HIVEP1: variants seen among roughly 807,000 people sequenced by gnomAD.
The protein encoded by HIVEP1 is zinc finger protein 40.
HIVEP1 carries 36 observed loss-of-function variants against 180.0 expected under a neutral mutation model. That is an observed-to-expected ratio of 0.20 (90% CI 0.15 to 0.26). The LOEUF is 0.26. HIVEP1 is among the 10% of genes least tolerant of loss of function. HIVEP1 has a pLI of 1.00. For synonymous variants in HIVEP1, 1,239 were observed against 1,239.0 expected, an observed-to-expected ratio of 1.00 and a Z score of 0.00; for missense variants, 3,143 against 3,268.7, an observed-to-expected ratio of 0.96 and a Z score of 0.94.
chr6:12,108,039 G>C (rs1774567918), intron 3 of HIVEP1, among the ~76,000 whole-genome samples: 1 of 151,994 alleles, frequency 6.6e-6, no homozygotes, highest in African/African-American at 2.4e-5. Flanking sequence ...CTAGACACAG[G>C]GTGCTGATTG....
At chr6:12,047,731 C>T (rs577278976) in intron 2 of HIVEP1, among the ~76,000 whole-genome samples, 11 of 152,178 alleles carry the variant, frequency 7.2e-5, no homozygotes, top group Non-Finnish European at 1.2e-4. Flanking sequence ...TTCACCCTTA[C>T]GTTTCTTAGG....
upstream of HIVEP1, among the ~76,000 whole-genome samples, chr6:12,011,402 C>T (rs1009606477): frequency 6.6e-6 from 1 of 151,650 alleles, no homozygotes; most frequent in Admixed American, 6.6e-5. Flanking sequence ...AAACTACGGC[C>T]CCGCCCGTCC....
chr6:12,091,578 A>G (rs565802603), intron 3 of HIVEP1, among the ~76,000 whole-genome samples: 2 of 152,266 alleles, frequency 1.3e-5, no homozygotes, highest in East Asian at 3.9e-4. Context: ...TAATAATTTA[A>G]GGAGGATTAA....
chr6:12,205,529 G>T, the HIVEP1 span, among the ~76,000 whole-genome samples: 1 of 152,108 alleles, frequency 6.6e-6, no homozygotes, highest in East Asian at 1.9e-4. Context: ...ACGGTACAGT[G>T]GTTAAGTCCT....
intron 3 of HIVEP1, among the ~76,000 whole-genome samples, chr6:12,112,937 G>C (rs558917917): frequency 4.6e-5 from 7 of 152,212 alleles, no homozygotes; most frequent in East Asian, 1.9e-4. Context: ...GGGTGTTTCT[G>C]TCTGTCCCTG....
upstream of HIVEP1, chr6:12,008,575 C>T (rs919604422): frequency 6.6e-6 from 1 of 151,872 alleles, no homozygotes; most frequent in Non-Finnish European, 1.5e-5. Context: ...GGTCCTTTCC[C>T]GCGACTACCT....
intron 7 of HIVEP1, among the ~76,000 whole-genome samples, chr6:12,160,227 G>A (rs1760312855): frequency 6.6e-6 from 1 of 152,164 alleles, no homozygotes. Flanking sequence ...TTCCACATGA[G>A]CTTATGAGAT....
At chr6:12,045,222 T>C (rs1048684578) in intron 2 of HIVEP1, among the ~76,000 whole-genome samples, 13 of 152,132 alleles carry the variant, frequency 8.5e-5, no homozygotes, top group Non-Finnish European at 1.8e-4. Context: ...TGGATCCAAA[T>C]ACATCCACCG....
chr6:12,034,925 T>C (rs887216630), intron 2 of HIVEP1, among the ~76,000 whole-genome samples: 1 of 152,008 alleles, frequency 6.6e-6, no homozygotes, highest in Admixed American at 6.6e-5. Flanking sequence ...TCAACGAAAA[T>C]GTAGTTGGAA....
chr6:12,162,054 C>G (rs1186857753), intron 8 of HIVEP1, 125 bp downstream of exon 8: 3 of 860,378 alleles, frequency 3.5e-6, no homozygotes, highest in East Asian at 2.5e-5. Flanking sequence ...GTTTGTATAG[C>G]TTTATTTTTT....
downstream of HIVEP1, among the ~76,000 whole-genome samples, chr6:12,168,539 T>A (rs1263836715): frequency 6.6e-6 from 1 of 151,462 alleles, no homozygotes; most frequent in Non-Finnish European, 1.5e-5. Flanking sequence ...TTACTATGGT[T>A]CAATTTAATG....
chr6:12,062,411 G>A (rs957586325), intron 2 of HIVEP1, among the ~76,000 whole-genome samples: 4 of 152,000 alleles, frequency 2.6e-5, no homozygotes, highest in African/African-American at 9.7e-5. Flanking sequence ...AAACATTTAT[G>A]AGTTATTAGA....
chr6:12,137,099 A>C (rs1758747195), intron 7 of HIVEP1, among the ~76,000 whole-genome samples: 1 of 152,246 alleles, frequency 6.6e-6, no homozygotes, highest in Non-Finnish European at 1.5e-5. Flanking sequence ...ACTTATAAAT[A>C]TACAAGAGAA....
At chr6:12,009,991 T>C (rs143716034), upstream of HIVEP1, among the ~76,000 whole-genome samples, 2 of 152,378 alleles carry the variant, frequency 1.3e-5, no homozygotes, top group African/African-American at 4.8e-5. Context: ...CATTTTTCAC[T>C]TCCAAAGTGA....
At chr6:12,187,769 A>G in the HIVEP1 span, among the ~76,000 whole-genome samples, 2 of 151,732 alleles carry the variant, frequency 1.3e-5, no homozygotes, top group Admixed American at 6.6e-5. Context: ...ATTTTTTTGT[A>G]GAGATGAGGT....
the HIVEP1 span, among the ~76,000 whole-genome samples, chr6:12,184,427 T>A: frequency 6.6e-6 from 1 of 152,192 alleles, no homozygotes; most frequent in Admixed American, 6.5e-5. Flanking sequence ...GACTCAAACT[T>A]CTCTTCATTC....
At chr6:12,029,256 G>A (rs560174643) in intron 2 of HIVEP1, among the ~76,000 whole-genome samples, 48 of 152,200 alleles carry the variant, frequency 3.2e-4, no homozygotes, top group African/African-American at 1.1e-3. Flanking sequence ...TAGAGACTAG[G>A]GTTATTGTTT....
chr6:12,093,656 G>A (rs1046080941), intron 3 of HIVEP1, among the ~76,000 whole-genome samples: 1 of 151,518 alleles, frequency 6.6e-6, no homozygotes, highest in Non-Finnish European at 1.5e-5. Context: ...CATTTAGTAT[G>A]TTTTCCTTTT....
chr6:12,043,054 T>C (rs147241958), intron 2 of HIVEP1, among the ~76,000 whole-genome samples: 183 of 152,340 alleles, frequency 1.2e-3, no homozygotes, highest in African/African-American at 4.0e-3. Flanking sequence ...ACTTCTGATA[T>C]ATACTTTGAC....
Sources: allele counts gnomAD v4.1 joint callset (sites outside exome capture counted in the v4.1 genomes callset), GRCh38; gene constraint gnomAD v4.1.1; transcripts MANE v1.5; gene names NCBI Gene and HGNC (gene_info 2026-07-23, HGNC 2026-07-21).